The following SFTPA2 variants were observed in gnomAD, a reference collection of about 807,000 sequenced individuals.
The protein encoded by SFTPA2 is surfactant protein A2.
Under a neutral mutation model 20.3 loss-of-function variants are expected in SFTPA2, and 21 were observed. The observed-to-expected ratio is 1.03, with a 90% confidence interval of 0.73 to 1.49. The LOEUF is 1.49. SFTPA2 is among the 40% of genes most tolerant of loss of function. The probability of loss-of-function intolerance (pLI) is 0.00; values close to 1 mark genes in which losing one functional copy is unlikely to be tolerated. For missense variants in SFTPA2, 302 were observed against 314.8 expected (o/e 0.96, Z 0.31); for synonymous variants, 116 against 118.7 (o/e 0.98, Z 0.15).
At chr10:79,559,690 G>A in intron 2 of SFTPA2, 184 bp from the exon 3 acceptor site, 1 of 1,551,208 alleles carries the variant, frequency 6.4e-7, no homozygotes, top group South Asian at 1.2e-5. Context: ...ATGGCCTCAT[G>A]CTTCAGGCCT....
chr10:79,558,073 G>C lies in SFTPA2; in HGVS notation c.349C>G (p.Gln117Glu). 1 of 1,614,126 alleles carries C rather than the reference G, an allele frequency of 6.2e-7. No homozygotes were observed. Among genetic ancestry groups the C allele is most frequent in the Non-Finnish European group, 8.5e-7 (1 of 1,180,016 alleles). The change falls in exon 5 of 6, where the codon CAA becomes GAA. Residue 117 changes from glutamine to glutamate, a missense_variant. Coordinates refer to ENST00000372325, the MANE Select transcript of SFTPA2 (RefSeq NM_001098668.4). ...TTACCTCCCCTTGTCTGCAGGATTT[G>C]ATGTCTGAAGTCGTGGAGTGTGGCT... is the stretch of plus-strand genomic sequence containing the variant. ...LQATLHDFRH[Q>E]ILQTRGALSL... is the part of the protein sequence containing the mutation.
rs866985209 is a variant in SFTPA2 at position 79,559,959 on chromosome 10, G to A, written c.-24+10C>T. 1 of 1,282,734 alleles carries A rather than the reference G, an allele frequency of 7.8e-7. No individual in the cohort carries two copies. The allele number at this position is 1,282,734 out of a possible 1,614,324, so 79.5% of individuals were successfully genotyped here. A position where few individuals can be genotyped will look rare whatever the true frequency, so the allele number is the denominator to read the frequency against. ...GACTCACTCCATCTGTCCCTCATAT[G>A]CCCAGTTACCTTCTTTTCAGGCTCC... On this transcript the variant is annotated intron_variant, in intron 2 of 5. Transcript: ENST00000372325.
Position 79,558,271 on chromosome 10 carries a change from G to A in SFTPA2, c.293-142C>T, listed in dbSNP as rs974276209. 7.1e-6 allele frequency: 11 copies of A among 1,557,600 alleles called. No homozygotes were observed. In the Admixed American group the frequency reaches 1.2e-4, roughly 16 times the overall value. ...CACCACCCAGACCCTAGGCTCAGAG[G>A]GTCCACGAGATTCCAGTGTGTCTCC... is the stretch of plus-strand genomic sequence containing the variant. On this transcript the variant is annotated intron_variant, in intron 4 of 5. Transcript: ENST00000372325.
rs1610440 is a variant in SFTPA2, at chr10:79,557,604, A to C, written c.371-19T>G. ...CTGAGGGCTGAGAGCAGAGGAGTCC[A>C]GGTCAGGCCACTGACCACTTTGTCT... On this transcript the variant is annotated intron_variant, in intron 5 of 5. Transcript: ENST00000372325. 2.1e-5 allele frequency: 32 copies of C among 1,511,798 alleles called. No homozygotes were observed. Among genetic ancestry groups the C allele is most frequent in the Non-Finnish European group, 2.9e-5 (32 of 1,099,958 alleles). 93.6% of individuals were successfully genotyped at this position (1,511,798 alleles called of 1,614,324 possible).
chr10:79,559,396 G>A lies in SFTPA2; in HGVS notation c.88C>T (p.Pro30Ser). The change falls in exon 3 of 6, where the codon CCT (proline) becomes TCT (serine). Residue 30 changes from proline to serine, a missense_variant. Coordinates refer to ENST00000372325, the MANE Select transcript of SFTPA2 (RefSeq NM_001098668.4). ...GATCCAGGAGTGCCGGGGATACCAG[G>A]GCTTCCAACACAAACGTCCTTCACT... ...CEVKDVCVGS[P>S]GIPGTPGSHG... 6 of 1,613,740 alleles carry A rather than the reference G, an allele frequency of 3.7e-6. No individual in the cohort carries two copies. The highest frequency in any genetic ancestry group is 5.1e-6 in the Non-Finnish European group (6 of 1,179,810).
In SFTPA2 at chr10:79,555,969, A is replaced by C. The variant is rs1406993199; in HGVS notation, c.*1240T>G. 1 of 152,460 alleles carries C rather than the reference A, an allele frequency of 6.6e-6. No homozygotes were observed. The highest frequency in any genetic ancestry group is 2.1e-4 in the South Asian group (1 of 4,822). 9.4% of individuals were successfully genotyped at this position (152,460 alleles called of 1,614,324 possible). A position where few individuals can be genotyped will look rare whatever the true frequency, so the allele number is the denominator to read the frequency against. On this transcript the variant is annotated 3_prime_UTR_variant, in exon 6 of 6. Coordinates refer to ENST00000372325, the MANE Select transcript of SFTPA2 (RefSeq NM_001098668.4). Reference sequence around the variant, plus strand: ...GGTCCAGGAAGATGGGTTTGGATCCAGTCTTTGCCATTTGCTCTCTGAAAT... The same window carrying C: ...GGTCCAGGAAGATGGGTTTGGATCCCGTCTTTGCCATTTGCTCTCTGAAAT...
intron 4 of SFTPA2, 120 bp from the exon 5 acceptor site, chr10:79,558,249 C>T (rs1468266534): frequency 1.1e-5 from 17 of 1,593,300 alleles, no homozygotes; most frequent in Non-Finnish European, 1.5e-5. Flanking sequence ...TGTTAGGCAC[C>T]ACCCAGACCC....
At position 79,558,871 on chromosome 10, in the gene SFTPA2, C is replaced by G; in HGVS notation, c.292+15G>C. On this transcript the variant is annotated intron_variant, in intron 4 of 5. Coordinates refer to ENST00000372325, the MANE Select transcript of SFTPA2 (RefSeq NM_001098668.4). The stretch of plus-strand genomic sequence containing the variant: ...TGCCCATGTTTCCACTGCCCACCTG[C>G]CCCGCCCTGCTCACCTGGAGGGCCT... 1 of 1,614,096 alleles carries G rather than the reference C, an allele frequency of 6.2e-7. No individual in the cohort carries two copies. The highest frequency in any genetic ancestry group is 8.5e-7 in the Non-Finnish European group (1 of 1,179,990).
intron 5 of SFTPA2, 115 bp downstream of exon 5, chr10:79,557,937 C>T (rs1858890648): frequency 1.3e-6 from 2 of 1,525,252 alleles, no homozygotes; most frequent in South Asian, 1.1e-5. Flanking sequence ...TCATTCCTTT[C>T]CCCAACACCT....
In SFTPA2 at chr10:79,556,449, T is replaced by C. The variant is rs1034662089; in HGVS notation, c.*760A>G. 1 of 156,982 alleles carries C rather than the reference T, an allele frequency of 6.4e-6. No homozygotes were observed. The highest frequency in any genetic ancestry group is 2.4e-5 in the African/African-American group (1 of 41,240). The allele number at this position is 156,982 out of a possible 1,614,324, so 9.7% of individuals were successfully genotyped here. ...ATGCCCACCGAGGTCTGAAGTGGGG[T>C]GCAGATTTGTTCATCAGCAGAAAGT... On this transcript the variant is annotated 3_prime_UTR_variant, in exon 6 of 6. Coordinates refer to ENST00000372325, the MANE Select transcript of SFTPA2 (RefSeq NM_001098668.4).
chr10:79,557,285 C>T lies in SFTPA2; in HGVS notation c.671G>A (p.Cys224Tyr). The T allele has an allele frequency of 6.2e-7, 1 of 1,614,194 alleles. No homozygotes were observed. The highest frequency in any genetic ancestry group is 8.5e-7 in the Non-Finnish European group (1 of 1,180,036). ...GEPAGRGKEQ[C>Y]VEMYTDGQWN... is the part of the protein sequence containing the mutation. ...CTGCCCATCTGTGTACATCTCCACACACTGCTCTTTTCCCCGACCTGCAGG... is the reference window on the plus strand; with the variant it reads ...CTGCCCATCTGTGTACATCTCCACATACTGCTCTTTTCCCCGACCTGCAGG... The change falls in exon 6 of 6, where the codon TGT (cysteine) becomes TAT (tyrosine). Residue 224 changes from cysteine to tyrosine, a missense_variant. This residue lies in a region of SFTPA2 where 264 missense variants were observed against 261.7 expected (regional missense o/e 1.01). Coordinates refer to ENST00000372325, the MANE Select transcript of SFTPA2 (RefSeq NM_001098668.4).
chr10:79,557,027 T>A lies in SFTPA2; in HGVS notation c.*182A>T. On this transcript the variant is annotated 3_prime_UTR_variant, in exon 6 of 6. Coordinates refer to ENST00000372325, the MANE Select transcript of SFTPA2 (RefSeq NM_001098668.4). ...CAAGGGGAGTGTCAAGGCTGGTCAG[T>A]GATTATGGGGAAGAGTCAGGGCCCA... The A allele has an allele frequency of 1.9e-6, 2 of 1,051,478 alleles. No homozygotes were observed. The highest frequency in any genetic ancestry group is 3.1e-5 in the South Asian group (2 of 63,706). 65.1% of individuals were successfully genotyped at this position (1,051,478 alleles called of 1,614,324 possible). A position where few individuals can be genotyped will look rare whatever the true frequency, so the allele number is the denominator to read the frequency against.
At position 79,560,026 on chromosome 10, in the gene SFTPA2, C is replaced by G. The variant is rs1240206913; in HGVS notation, c.-53-28G>C. 8.8e-6 allele frequency: 10 copies of G among 1,142,100 alleles called. No homozygotes were observed. In the African/African-American group the frequency reaches 1.6e-4, roughly 18 times the overall value. The allele number at this position is 1,142,100 out of a possible 1,614,324, so 70.7% of individuals were successfully genotyped here. On this transcript the variant is annotated intron_variant, in intron 1 of 5. Transcript: ENST00000372325. ...GAGAATGAAAAGAGATGAATAGGGC[C>G]CACAGCCTGGACCCTTCAAGGTGAT... is the stretch of plus-strand genomic sequence containing the variant.
chr10:79,557,399 T>A lies in SFTPA2; in HGVS notation c.557A>T (p.Tyr186Phe), dbSNP rs1319818753. ...SFVKKYNTYA[Y>F]VGLTEGPSPG... ...GCTGGGACCCTCAGTCAGGCCTACA[T>A]AGGCATATGTGTTGTACTTCTTCAC... Residue 186 changes from tyrosine (Y) to phenylalanine (F), a missense_variant, in exon 6 of 6, where the codon TAT (tyrosine) becomes TTT (phenylalanine). Transcript: ENST00000372325. 1.2e-6 allele frequency: 2 copies of A among 1,614,010 alleles called. No homozygotes were observed. Among genetic ancestry groups the A allele is most frequent in the Non-Finnish European group, 1.7e-6 (2 of 1,179,916 alleles).
At chr10:79,557,958 G>C in intron 5 of SFTPA2, 94 bp downstream of exon 5, 1 of 1,585,306 alleles carries the variant, frequency 6.3e-7, no homozygotes, top group Non-Finnish European at 8.7e-7. Flanking sequence ...GCATGTGCAC[G>C]CTTGTTTGTC....
intron 3 of SFTPA2, 65 bp downstream of exon 3, chr10:79,559,247 A>G: frequency 6.2e-7 from 1 of 1,609,766 alleles, no homozygotes; most frequent in Non-Finnish European, 8.5e-7. Flanking sequence ...AGGGGCCTGG[A>G]CAGATGGGCC....
At chr10:79,558,642 C>A (rs1202136131) in intron 4 of SFTPA2, among the ~76,000 whole-genome samples, 6 of 152,200 alleles carry the variant, frequency 3.9e-5, no homozygotes. Flanking sequence ...CCACACCTGA[C>A]TCAGTGTGTC....
Position 79,558,398 on chromosome 10 carries a change from C to T in SFTPA2, c.293-269G>A, listed in dbSNP as rs538761740. Among the ~76,000 whole-genome samples the T allele has an allele frequency of 5.5e-4, 83 of 151,460 alleles. 2 individuals are homozygous for T. The East Asian group carries it at 0.015, about 28-fold the overall frequency. ...TGTCCCTCGAGGGGTTCTGTCTGCC[C>T]GCCTCTGTGGGGCAAGTCCCTCTCC... On this transcript the variant is annotated intron_variant, in intron 4 of 5. Transcript: ENST00000372325.
intron 4 of SFTPA2, 175 bp from the exon 5 acceptor site, chr10:79,558,304 G>A (rs906284143): frequency 5.2e-6 from 5 of 959,192 alleles, no homozygotes; most frequent in East Asian, 1.1e-4. Flanking sequence ...TCCACACCCC[G>A]TGGTCCCCTA....
Sources: gnomAD v4.1 joint callset for allele counts (sites outside exome capture counted in the v4.1 genomes callset) on GRCh38, gnomAD v4.1.1 for gene constraint, gnomAD v4.1.1 regional missense constraint, MANE v1.5 for transcripts, NCBI Gene and HGNC (gene_info 2026-07-23, HGNC 2026-07-21) for gene names.